Variants in AK9 observed in about 807,000 individuals in gnomAD.
The protein encoded by AK9 is adenylate kinase domain containing 1.
AK9 carries 191 observed loss-of-function variants against 239.6 expected under a neutral mutation model. The observed-to-expected ratio is 0.80, with a 90% CI of 0.71 to 0.90. The LOEUF (loss-of-function observed/expected upper bound fraction) is 0.90, where lower values mean the gene tolerates loss of function less well. AK9 is among the 40% of genes least tolerant of loss of function. The pLI is 0.00. For missense variants in AK9, 1,995 were observed against 2,214.7 expected, an observed-to-expected ratio of 0.90 and a Z score of 1.99; for synonymous variants, 689 against 721.0, an observed-to-expected ratio of 0.96 and a Z score of 0.71.
rs751466536 is a variant in AK9, at chr6:109,633,015, G to C, written c.1162C>G (p.Pro388Ala). ...ATGAATACTTTACATGGTGGTCCTG[G>C]CATAGGTGGAAGCAGATAGGGACGT... ...NPRPYLLPPM[P>A]GPPCKVFILG... The change falls in exon 12 of 41, where the codon CCA becomes GCA. Residue 388 changes from proline (P) to alanine (A), a missense_variant. Physicochemically the swap from Pro to Ala is conservative, Grantham distance 27. Transcript: ENST00000424296. 1.9e-6 allele frequency: 3 copies of C among 1,603,198 alleles called. No individual in the cohort carries two copies. Among genetic ancestry groups the C allele is most frequent in the Non-Finnish European group, 2.5e-6 (3 of 1,176,550 alleles).
At chr6:109,526,266 T>G (rs576507156) in intron 29 of AK9, among the ~76,000 whole-genome samples, 2 of 151,932 alleles carry the variant, frequency 1.3e-5, no homozygotes, top group Admixed American at 1.3e-4. Context: ...AACCTGCACA[T>G]GTACCCTCTG....
At chr6:109,522,997 T>C (rs1780025688) in intron 29 of AK9, among the ~76,000 whole-genome samples, 1 of 152,130 alleles carries the variant, frequency 6.6e-6, no homozygotes, top group African/African-American at 2.4e-5. Flanking sequence ...TTACCTTTTT[T>C]CTTTATGGGG....
chr6:109,645,207 T>A (rs1336099833), intron 8 of AK9, among the ~76,000 whole-genome samples: 2 of 152,132 alleles, frequency 1.3e-5, no homozygotes, highest in Non-Finnish European at 2.9e-5. Flanking sequence ...TGGGACTGGT[T>A]GGACAGTGGG....
intron 17 of AK9, among the ~76,000 whole-genome samples, chr6:109,604,761 G>T (rs1392517880): frequency 6.6e-6 from 1 of 152,112 alleles, no homozygotes; most frequent in Non-Finnish European, 1.5e-5. Flanking sequence ...TATTAGAACT[G>T]TATCAAATCT....
At chr6:109,554,180 GC>G (rs1261065302) in intron 24 of AK9, among the ~76,000 whole-genome samples, 1 of 152,144 alleles carries the variant, frequency 6.6e-6, no homozygotes, top group African/African-American at 2.4e-5. Flanking sequence ...TTGTGTCTCT[GC>G]CAGGTTTTGG....
At chr6:109,519,829 T>G (rs949058561) in intron 29 of AK9, among the ~76,000 whole-genome samples, 3 of 144,998 alleles carry the variant, frequency 2.1e-5, no homozygotes, top group African/African-American at 7.6e-5. Flanking sequence ...CTCACTGTGG[T>G]TTTGATTTGC....
At chr6:109,599,768 T>C (rs1791639274) in intron 17 of AK9, among the ~76,000 whole-genome samples, 1 of 152,218 alleles carries the variant, frequency 6.6e-6, no homozygotes, top group Non-Finnish European at 1.5e-5. Flanking sequence ...TGGTTTGTAG[T>C]TCTCCTTGAA....
chr6:109,576,419 A>ATTTTTT (rs1788082297), intron 20 of AK9, among the ~76,000 whole-genome samples: 4 of 36,812 alleles, frequency 1.1e-4, no homozygotes, highest in African/African-American at 2.8e-4. Flanking sequence ...ACATATATAT[A>ATTTTTT]CTTTTTTTTT....
Position 109,674,214 on chromosome 6 carries a change from T to C in AK9, c.165A>G (p.Lys55=), listed in dbSNP as rs1771363228. The change falls in exon 3 of 41, where the codon AAA becomes AAG. Residue 55 remains lysine (K), a synonymous_variant. Transcript: ENST00000424296. ...TLARYITQAW[K]CIRVEALPIL... is the part of the protein sequence containing the mutation. ...AAAATTTACCTTCAACACGAATACA[T>C]TTCCATGCCTGTGTTATGTAACGGG... 2 of 1,584,480 alleles carry C rather than the reference T, an allele frequency of 1.3e-6. No individual in the cohort carries two copies. Among genetic ancestry groups the C allele is most frequent in the East Asian group, 4.5e-5 (2 of 44,082 alleles).
chr6:109,646,847 G>A (rs904290467), intron 8 of AK9, among the ~76,000 whole-genome samples: 2 of 152,168 alleles, frequency 1.3e-5, no homozygotes, highest in African/African-American at 2.4e-5. Context: ...GAGAAAGGTT[G>A]GGTTACCCAC....
At chr6:109,631,514 A>G (rs1562520017) in intron 12 of AK9, among the ~76,000 whole-genome samples, 2 of 152,232 alleles carry the variant, frequency 1.3e-5, no homozygotes, top group Admixed American at 1.3e-4. Flanking sequence ...GGCTAGAATT[A>G]GAAAGACCGA....
rs1789457260 is a variant in AK9 at position 109,585,968 on chromosome 6, C to A, written c.1947G>T (p.Lys649Asn). Residue 649 changes from lysine to asparagine, a missense_variant, in exon 18 of 41, where the codon AAG (lysine) becomes AAT (asparagine). Lys to Asn is a moderately conservative substitution (Grantham distance 94). This residue lies in a region of AK9 where 1,290 missense variants were observed against 1,392.7 expected (regional missense o/e 0.93). Transcript: ENST00000424296. ...TGACCAAATCAGGTATAATTCCTTT[C>A]TTGATTAAGGCCATCCACAATTCTT... Reference protein sequence around the residue: ...IVKELWMALIKKGIIPDLVIY... With the variant: ...IVKELWMALINKGIIPDLVIY... 2 of 1,551,268 alleles carry A rather than the reference C, an allele frequency of 1.3e-6. No homozygotes were observed. The highest frequency in any genetic ancestry group is 1.7e-6 in the Non-Finnish European group (2 of 1,146,780).
intron 17 of AK9, among the ~76,000 whole-genome samples, chr6:109,592,794 G>A (rs564705008): frequency 5.3e-5 from 5 of 93,774 alleles, no homozygotes; most frequent in African/African-American, 1.4e-4. Flanking sequence ...CTGATTTTAG[G>A]ATTTTTTTCC....
At chr6:109,672,316 C>T (rs1771039103) in intron 3 of AK9, 149 bp from the exon 4 acceptor site, 1 of 726,018 alleles carries the variant, frequency 1.4e-6, no homozygotes, top group Non-Finnish European at 2.3e-6. Flanking sequence ...TATTACTTCA[C>T]TTAAGCCTAA....
chr6:109,517,543 A>T (rs905128175), intron 29 of AK9, among the ~76,000 whole-genome samples: 2 of 152,200 alleles, frequency 1.3e-5, no homozygotes, highest in Non-Finnish European at 2.9e-5. Context: ...AAGAATAATA[A>T]AAGTATCTCA....
At chr6:109,649,829 A>C (rs1023709274) in intron 8 of AK9, among the ~76,000 whole-genome samples, 2 of 152,194 alleles carry the variant, frequency 1.3e-5, no homozygotes, top group African/African-American at 4.8e-5. Flanking sequence ...ACCTGACTTC[A>C]AACTATACTA....
chr6:109,565,255 T>A (rs1372340344), intron 21 of AK9, among the ~76,000 whole-genome samples: 1 of 152,034 alleles, frequency 6.6e-6, no homozygotes, highest in Non-Finnish European at 1.5e-5. Flanking sequence ...GGTGGGAGAA[T>A]CACTTAAGGC....
intron 10 of AK9, among the ~76,000 whole-genome samples, chr6:109,634,104 T>C (rs1439848282): frequency 6.6e-6 from 1 of 152,162 alleles, no homozygotes; most frequent in Non-Finnish European, 1.5e-5. Context: ...TTAATTGCCA[T>C]TGTGATGGTA....
At position 109,493,208 on chromosome 6, in the gene AK9, C is replaced by T. The variant is rs1054607; in HGVS notation, c.*161G>A. 0.28 allele frequency: 181,313 copies of T among 647,712 alleles called. 26,464 individuals are homozygous for T. The highest frequency in any genetic ancestry group is 0.42 in the East Asian group (15,853 of 37,358). The allele number at this position is 647,712 out of a possible 1,614,324, so 40.1% of individuals were successfully genotyped here. ...TTTCCATAAGAGTGCTCCTTCCTGG[C>T]TGGCAGACCTTTGAGTTCACCTGAA... On this transcript the variant is annotated 3_prime_UTR_variant, in exon 41 of 41. Transcript: ENST00000424296.
Sources: allele counts gnomAD v4.1 joint callset (sites outside exome capture counted in the v4.1 genomes callset), GRCh38; gene constraint gnomAD v4.1.1; regional missense constraint gnomAD v4.1.1; transcripts MANE v1.5; gene names NCBI Gene and HGNC (gene_info 2026-07-23, HGNC 2026-07-21).